The following ERC2 variants were observed in gnomAD, a reference collection of about 807,000 sequenced individuals.
The protein encoded by ERC2 is ELKS/RAB6-interacting/CAST family member 2, also known as ERC protein 2.
ERC2 carries 42 observed loss-of-function variants against 114.8 expected under a neutral mutation model. The observed-to-expected ratio is 0.37, with a 90% CI of 0.29 to 0.47. ERC2 has a LOEUF of 0.47. Ranked by LOEUF, ERC2 falls within the 20% of genes least tolerant of loss-of-function variation. The pLI is 0.99. For synonymous variants in ERC2, 454 were observed against 425.5 expected (o/e 1.07, Z -0.82); for missense variants, 939 against 1,150.7 (o/e 0.82, Z 2.66).
intron 3 of ERC2, among the ~76,000 whole-genome samples, chr3:56,257,582 C>T (rs1212822682): frequency 6.6e-6 from 1 of 152,216 alleles, no homozygotes; most frequent in Non-Finnish European, 1.5e-5. Flanking sequence ...CATGGCATCA[C>T]GTTCAAGGCC....
chr3:56,140,105 G>T (rs2080764702), intron 5 of ERC2, among the ~76,000 whole-genome samples: 1 of 152,074 alleles, frequency 6.6e-6, no homozygotes, highest in Non-Finnish European at 1.5e-5. Flanking sequence ...TTTGACAAAA[G>T]AATCCTAAAA....
chr3:56,363,966 C>T (rs1203683990), intron 2 of ERC2, among the ~76,000 whole-genome samples: 1 of 152,040 alleles, frequency 6.6e-6, no homozygotes, highest in Non-Finnish European at 1.5e-5. Context: ...TTAATATTCC[C>T]TCATTGCTTA....
At chr3:55,562,278 G>A (rs138641704) in intron 17 of ERC2, among the ~76,000 whole-genome samples, 51 of 152,014 alleles carry the variant, frequency 3.4e-4, no homozygotes, top group African/African-American at 1.2e-3. Context: ...TCAGCCTCCC[G>A]AGTAGCTGGG....
chr3:56,054,077 T>C (rs1050997976), intron 7 of ERC2, among the ~76,000 whole-genome samples: 4 of 152,168 alleles, frequency 2.6e-5, no homozygotes, highest in Non-Finnish European at 5.9e-5. Flanking sequence ...AGCTGGCAAT[T>C]ATATGGCAAT....
At chr3:56,047,834 A>T (rs2149677271) in intron 7 of ERC2, among the ~76,000 whole-genome samples, 1 of 152,334 alleles carries the variant, frequency 6.6e-6, no homozygotes, top group South Asian at 2.1e-4. Context: ...GCACCCTCAA[A>T]ATAAGGGGCA....
At position 56,406,843 on chromosome 3, in the gene ERC2, T is replaced by A. The variant is rs545507905; in HGVS notation, c.657+27508A>T. Among the ~76,000 whole-genome samples the A allele has an allele frequency of 2.0e-5, 3 of 152,236 alleles. No individual in the cohort carries two copies. In the East Asian group the frequency reaches 5.8e-4, roughly 29 times the overall value. ...AGAGAAAAGTTAGATTAATTAGAAG[T>A]CAGAAAGTTGCAGAGGAGGCATGGA... On this transcript the variant is annotated intron_variant, in intron 2 of 17. Coordinates refer to ENST00000288221, the MANE Select transcript of ERC2 (RefSeq NM_015576.3).
chr3:55,914,084 A>G (rs1412280407), intron 13 of ERC2, among the ~76,000 whole-genome samples: 3 of 152,086 alleles, frequency 2.0e-5, no homozygotes, highest in Non-Finnish European at 4.4e-5. Context: ...GAGACTGGAT[A>G]CTCATCTTGA....
chr3:56,195,548 G>A (rs1364945418), intron 3 of ERC2, among the ~76,000 whole-genome samples: 3 of 151,158 alleles, frequency 2.0e-5, no homozygotes, highest in Non-Finnish European at 4.4e-5. Context: ...GGACAATACT[G>A]GCCAGGTGCA....
chr3:56,299,197 G>A (rs1214887386), intron 2 of ERC2, among the ~76,000 whole-genome samples: 1 of 144,076 alleles, frequency 6.9e-6, no homozygotes, highest in East Asian at 2.0e-4. Flanking sequence ...GCGCGATCTT[G>A]GCTCACTGCA....
intron 13 of ERC2, among the ~76,000 whole-genome samples, chr3:55,930,211 C>A (rs536941364): frequency 6.6e-6 from 1 of 152,150 alleles, no homozygotes; most frequent in East Asian, 1.9e-4. Flanking sequence ...TGCACTCCAG[C>A]CTGGGTGACA....
At chr3:55,832,332 G>A (rs1426478623) in intron 14 of ERC2, among the ~76,000 whole-genome samples, 2 of 152,230 alleles carry the variant, frequency 1.3e-5, no homozygotes, top group African/African-American at 4.8e-5. Flanking sequence ...CCTGACCCCT[G>A]AGCAGCCTAA....
intron 14 of ERC2, among the ~76,000 whole-genome samples, chr3:55,751,829 A>G (rs1295004880): frequency 6.6e-6 from 1 of 152,228 alleles, no homozygotes; most frequent in Non-Finnish European, 1.5e-5. Context: ...AATTCTAACA[A>G]TGGAGGAATG....
chr3:55,760,986 G>A (rs182334426), intron 14 of ERC2, among the ~76,000 whole-genome samples: 58 of 152,312 alleles, frequency 3.8e-4, no homozygotes, highest in African/African-American at 1.3e-3. Context: ...AGATTGGGAT[G>A]TGCCAAATGA....
At chr3:56,149,195 A>C in intron 4 of ERC2, 63 bp from the exon 5 acceptor site, 1 of 1,459,814 alleles carries the variant, frequency 6.9e-7, no homozygotes, top group Non-Finnish European at 9.2e-7. Flanking sequence ...AAGATCATCA[A>C]AACAGAATTT....
At chr3:55,696,936 C>G (rs951812120) in intron 16 of ERC2, among the ~76,000 whole-genome samples, 1 of 152,160 alleles carries the variant, frequency 6.6e-6, no homozygotes, top group African/African-American at 2.4e-5. Flanking sequence ...AATTTAAAAC[C>G]ACAAAAATAT....
chr3:55,533,902 G>A (rs1000887322), intron 17 of ERC2, among the ~76,000 whole-genome samples: 2 of 152,192 alleles, frequency 1.3e-5, no homozygotes, highest in Admixed American at 6.5e-5. Flanking sequence ...GAAGCCCAGC[G>A]AGGGGCAGGT....
intron 17 of ERC2, among the ~76,000 whole-genome samples, chr3:55,583,340 TGTCTGC>T (rs2057353587): frequency 6.6e-6 from 1 of 150,482 alleles, no homozygotes; most frequent in South Asian, 2.1e-4. Flanking sequence ...CTTGCCTGCC[TGTCTGC>T]CTGCCTGCCT....
At position 56,106,117 on chromosome 3, in the gene ERC2, A is replaced by G. The variant is rs537590870; in HGVS notation, c.1474-25133T>C. ...TCCAAACTGTATACTAATGTTCACT[A>G]TAATCTTGATAGGTGTCTAGTTTCT... On this transcript the variant is annotated intron_variant, in intron 6 of 17. Coordinates refer to ENST00000288221, the MANE Select transcript of ERC2 (RefSeq NM_015576.3). Among the ~76,000 whole-genome samples, 11 of 152,344 alleles carry G rather than the reference A, an allele frequency of 7.2e-5. No homozygotes were observed. In the South Asian group the frequency reaches 2.3e-3, roughly 32 times the overall value.
At chr3:56,214,811 G>A (rs991600804) in intron 3 of ERC2, among the ~76,000 whole-genome samples, 25 of 152,256 alleles carry the variant, frequency 1.6e-4, no homozygotes, top group African/African-American at 5.1e-4. Context: ...GAAACTCTAC[G>A]AGCCAGAAGA....
Sources: allele counts gnomAD v4.1 joint callset (sites outside exome capture counted in the v4.1 genomes callset), GRCh38; gene constraint gnomAD v4.1.1; transcripts MANE v1.5; gene names NCBI Gene and HGNC (gene_info 2026-07-23, HGNC 2026-07-21).